Variants in SLC33A1 observed in about 807,000 individuals in gnomAD.
The protein encoded by SLC33A1 is acetyl-coenzyme A transporter 1.
A neutral mutation model predicts 50.0 loss-of-function variants in SLC33A1; 20 were observed. The ratio of observed to expected loss-of-function variants is 0.40; its 90% CI spans 0.28 to 0.58. The LOEUF (loss-of-function observed/expected upper bound fraction) is 0.58, where lower values mean the gene tolerates loss of function less well. Ranked by LOEUF, SLC33A1 falls within the 20% of genes least tolerant of loss-of-function variation. The pLI, the probability that SLC33A1 is intolerant of heterozygous loss-of-function variation, is 0.44. For synonymous variants in SLC33A1, 265 were observed against 251.8 expected (o/e 1.05, Z -0.50); for missense variants, 476 against 657.0 (o/e 0.72, Z 3.01).
At chr3:155,830,582 AAGT>A (rs1752388348) in intron 4 of SLC33A1, among the ~76,000 whole-genome samples, 2 of 152,062 alleles carry the variant, frequency 1.3e-5, no homozygotes, top group South Asian at 4.1e-4. Flanking sequence ...ATTCTACCAC[AAGT>A]AGTCAAGAAA....
Position 155,833,860 on chromosome 3 carries a change from T to C in SLC33A1, c.1145A>G (p.Tyr382Cys), listed in dbSNP as rs150975211. ...TAAGGTTTTATTTCATTTTTACCTGTAGGGCATGGCTTTGTAAAATGTGTT... is the reference window on the plus strand; with the variant it reads ...TAAGGTTTTATTTCATTTTTACCTGCAGGGCATGGCTTTGTAAAATGTGTT... Reference protein sequence around the residue: ...PLNTFYKAMPYRLLLGLEYAL... With the variant: ...PLNTFYKAMPCRLLLGLEYAL... Residue 382 changes from tyrosine (Y) to cysteine (C), a missense_variant, in exon 3 of 6, where the codon TAC becomes TGC. Transcript: ENST00000643144. The C allele has an allele frequency of 2.5e-6, 4 of 1,611,860 alleles. No individual in the cohort carries two copies. The highest frequency in any genetic ancestry group is 3.4e-6 in the Non-Finnish European group (4 of 1,178,120).
At position 155,835,423 on chromosome 3, in the gene SLC33A1, A is replaced by C. The variant is rs192955134; in HGVS notation, c.964-1382T>G. Among the ~76,000 whole-genome samples the C allele has an allele frequency of 2.1e-3, 313 of 152,298 alleles. 1 individual carries two copies. The highest frequency in any genetic ancestry group is 7.0e-3 in the African/African-American group (292 of 41,560). On this transcript the variant is annotated intron_variant, in intron 2 of 5. Transcript: ENST00000643144. ...CCCTTCTAACAAAAAGCGGCCCCCA[A>C]AATCATTTCTTTTCTAACGAAGAGC...
chr3:155,842,649 T>C, intron 1 of SLC33A1, 30 bp from the exon 2 acceptor site: 2 of 1,149,078 alleles, frequency 1.7e-6, no homozygotes, highest in Admixed American at 4.8e-5. Flanking sequence ...ATAATTAATT[T>C]TTAAAATTAC....
Position 155,829,679 on chromosome 3 carries a change from C to T in SLC33A1, c.1482+9G>A. On this transcript the variant is annotated intron_variant, in intron 5 of 5. Coordinates refer to ENST00000643144, the MANE Select transcript of SLC33A1 (RefSeq NM_004733.4). ...AGCTTAATGTTATCTAAAATTAAAA[C>T]ATACTTACCTCAACAGCATCAGGTG... 1 of 1,590,706 alleles carries T rather than the reference C, an allele frequency of 6.3e-7. No homozygotes were observed. Among genetic ancestry groups the T allele is most frequent in the South Asian group, 1.1e-5 (1 of 90,640 alleles).
At position 155,829,827 on chromosome 3, in the gene SLC33A1, T is replaced by C. The variant is rs753739432; in HGVS notation, c.1343A>G (p.Tyr448Cys). Residue 448 changes from tyrosine (Y) to cysteine (C), a missense_variant, in exon 5 of 6, where the codon TAC (tyrosine) becomes TGC (cysteine). Coordinates refer to ENST00000643144, the MANE Select transcript of SLC33A1 (RefSeq NM_004733.4). ...KVSDPLIGGT[Y>C]MTLLNTVSNL... is the part of the protein sequence containing the mutation. ...GGACACGGTATTTAAAAGGGTCATG[T>C]ATGTTCCTCCAATAAGTGGATCACT... is the stretch of plus-strand genomic sequence containing the variant. 1 of 1,613,848 alleles carries C rather than the reference T, an allele frequency of 6.2e-7. No homozygotes were observed. Among genetic ancestry groups the C allele is most frequent in the Non-Finnish European group, 8.5e-7 (1 of 1,179,744 alleles).
rs923546792 is a variant in SLC33A1 at position 155,821,062 on chromosome 3, CAATTA to C, written c.*7143_*7147del. 1 of 152,202 alleles carries C rather than the reference CAATTA, an allele frequency of 6.6e-6. No homozygotes were observed. The highest frequency in any genetic ancestry group is 2.4e-5 in the African/African-American group (1 of 41,540). 9.4% of individuals were successfully genotyped at this position (152,202 alleles called of 1,614,324 possible). ...TTATTTTTTAGAGAATCACTTTAAG[CAATTA>C]AATAACCATTTATCTAAAACACTGG... On this transcript the variant is annotated 3_prime_UTR_variant, in exon 6 of 6. Transcript: ENST00000643144.
chr3:155,848,346 G>A (rs1753263856), intron 1 of SLC33A1, among the ~76,000 whole-genome samples: 1 of 152,118 alleles, frequency 6.6e-6, no homozygotes, highest in African/African-American at 2.4e-5. Flanking sequence ...GTAAAATTAG[G>A]AAATAAAAAA....
rs1752177115 is a variant in SLC33A1 at position 155,825,382 on chromosome 3, T to C, written c.*2828A>G. ...TATTGACCAGGTTGGTCTTGAACTCTTGACCTCAAGTGATCCTCCTGCCTT... is the reference window on the plus strand; with the variant it reads ...TATTGACCAGGTTGGTCTTGAACTCCTGACCTCAAGTGATCCTCCTGCCTT... On this transcript the variant is annotated 3_prime_UTR_variant, in exon 6 of 6. Transcript: ENST00000643144. 2.6e-5 allele frequency: 4 copies of C among 152,100 alleles called. No individual in the cohort carries two copies. Among genetic ancestry groups the C allele is most frequent in the Admixed American group, 2.6e-4 (4 of 15,258 alleles). 9.4% of individuals were successfully genotyped at this position (152,100 alleles called of 1,614,324 possible).
At chr3:155,841,946 C>A (rs1258122848) in intron 2 of SLC33A1, among the ~76,000 whole-genome samples, 1 of 151,904 alleles carries the variant, frequency 6.6e-6, no homozygotes, top group Non-Finnish European at 1.5e-5. Flanking sequence ...CAAGGTTTCA[C>A]CATGTTAGCC....
At chr3:155,841,532 T>C (rs1000071672) in intron 2 of SLC33A1, among the ~76,000 whole-genome samples, 6 of 152,278 alleles carry the variant, frequency 3.9e-5, no homozygotes, top group East Asian at 3.9e-4. Context: ...ACACTAGCAA[T>C]AGTTCACTGT....
rs917651851 is a variant in SLC33A1 at position 155,846,635 on chromosome 3, T to C, written c.776-4016A>G. Among the ~76,000 whole-genome samples, 4 of 152,054 alleles carry C rather than the reference T, an allele frequency of 2.6e-5. No homozygotes were observed. The South Asian group carries it at 6.2e-4, about 24-fold the overall frequency. On this transcript the variant is annotated intron_variant, in intron 1 of 5. Transcript: ENST00000643144. Reference sequence around the variant, plus strand: ...CCCCAGCTAATTTTTGTATTTTTAGTAGAGACGGGGTTTCTCCATGTTGGT... The same window carrying C: ...CCCCAGCTAATTTTTGTATTTTTAGCAGAGACGGGGTTTCTCCATGTTGGT...
chr3:155,848,103 G>C (rs894909829), intron 1 of SLC33A1, among the ~76,000 whole-genome samples: 4 of 152,158 alleles, frequency 2.6e-5, no homozygotes, highest in African/African-American at 9.7e-5. Context: ...AGATTAGATA[G>C]ATGACAGATA....
chr3:155,835,893 G>A (rs1482370927), intron 2 of SLC33A1, among the ~76,000 whole-genome samples: 1 of 151,852 alleles, frequency 6.6e-6, no homozygotes, highest in Non-Finnish European at 1.5e-5. Context: ...CTCTTTGTGT[G>A]TCCACGTCCT....
At chr3:155,844,437 ATATATATATATATATATATATTTTTTT>A (rs1474359967) in intron 1 of SLC33A1, among the ~76,000 whole-genome samples, 142 of 6,894 alleles carry the variant, frequency 0.021, no homozygotes, top group African/African-American at 0.045. Flanking sequence ...ATATATATAT[ATATATATATATATATATATATTTTTTT>A]TTTTTTTTTT....
At position 155,841,770 on chromosome 3, in the gene SLC33A1, CAG is replaced by C. The variant is rs1393898306; in HGVS notation, c.963+660_963+661del. Among the ~76,000 whole-genome samples, 10 of 151,958 alleles carry C rather than the reference CAG, an allele frequency of 6.6e-5. No individual in the cohort carries two copies. In the East Asian group the frequency reaches 1.2e-3, roughly 18 times the overall value. ...TATTTATTTATTTATTATTTTGAGA[CAG>C]AGTCTCGCTCTGTCGCTCCAGCTAG... On this transcript the variant is annotated intron_variant, in intron 2 of 5. Coordinates refer to ENST00000643144, the MANE Select transcript of SLC33A1 (RefSeq NM_004733.4).
intron 1 of SLC33A1, 27 bp from the exon 2 acceptor site, chr3:155,842,646 A>G (rs368149130): frequency 8.7e-7 from 1 of 1,155,670 alleles, no homozygotes; most frequent in African/African-American, 1.6e-5. Context: ...TCTATAATTA[A>G]TTTTTAAAAT....
rs1026047425 is a variant in SLC33A1, at chr3:155,825,117, G to A, written c.*3093C>T. 4 of 152,032 alleles carry A rather than the reference G, an allele frequency of 2.6e-5. No individual in the cohort carries two copies. The highest frequency in any genetic ancestry group is 9.7e-5 in the African/African-American group (4 of 41,386). 9.4% of individuals were successfully genotyped at this position (152,032 alleles called of 1,614,324 possible). A position where few individuals can be genotyped will look rare whatever the true frequency, so the allele number is the denominator to read the frequency against. On this transcript the variant is annotated 3_prime_UTR_variant, in exon 6 of 6. Coordinates refer to ENST00000643144, the MANE Select transcript of SLC33A1 (RefSeq NM_004733.4). ...TAGCTGGGCATAGTGCTGTGTGCCT[G>A]TAGTCCTAGCTACCAGAGAGGCTGA...
intron 1 of SLC33A1, among the ~76,000 whole-genome samples, chr3:155,847,001 A>T (rs2107997767): frequency 6.6e-6 from 1 of 151,964 alleles, no homozygotes; most frequent in South Asian, 2.1e-4. Context: ...TGAGGTCAGG[A>T]GTTCAAGACC....
At chr3:155,852,840 C>A (rs1304912661) in intron 1 of SLC33A1, among the ~76,000 whole-genome samples, 4 of 152,066 alleles carry the variant, frequency 2.6e-5, no homozygotes, top group East Asian at 1.9e-4. Context: ...CTGGGTACAA[C>A]GGTAGGGGTA....
Sources: gnomAD v4.1 joint callset for allele counts (sites outside exome capture counted in the v4.1 genomes callset) on GRCh38, gnomAD v4.1.1 for gene constraint, MANE v1.5 for transcripts, NCBI Gene and HGNC (gene_info 2026-07-23, HGNC 2026-07-21) for gene names.